Variants in LYPLAL1 observed in about 807,000 individuals in gnomAD.
LYPLAL1 encodes lysophospholipase-like protein 1.
Under a neutral mutation model 19.7 loss-of-function variants are expected in LYPLAL1, and 23 were observed. That is an observed-to-expected ratio of 1.17 (90% CI 0.84 to 1.65). The LOEUF is 1.65. Ranked by LOEUF, LYPLAL1 falls within the 40% of genes most tolerant of loss-of-function variation. LYPLAL1 has a pLI of 0.00. For synonymous variants in LYPLAL1, 119 were observed against 96.3 expected, an observed-to-expected ratio of 1.24 and a Z score of -1.38; for missense variants, 355 against 279.4, an observed-to-expected ratio of 1.27 and a Z score of -1.93.
the LYPLAL1 span, among the ~76,000 whole-genome samples, chr1:219,389,364 G>T: frequency 6.6e-6 from 1 of 152,280 alleles, no homozygotes; most frequent in Non-Finnish European, 1.5e-5. Flanking sequence ...GCCAGGAAAA[G>T]CATCTTAAAC....
In LYPLAL1 at chr1:219,210,673, GA is replaced by G. The variant is rs762754408; in HGVS notation, c.477+33del. 15 of 1,577,600 alleles carry G rather than the reference GA, an allele frequency of 9.5e-6. No individual in the cohort carries two copies. In the East Asian group the frequency reaches 1.4e-4, roughly 14 times the overall value. On this transcript the variant is annotated intron_variant, in intron 4 of 4. Transcript: ENST00000366928. The stretch of plus-strand genomic sequence containing the variant: ...GTAAGTTCCAGATTTAAAAAAAAAT[GA>G]AAAAAATATGAAATATATACATGTT...
the LYPLAL1 span, among the ~76,000 whole-genome samples, chr1:219,410,997 C>T: frequency 2.0e-5 from 3 of 152,236 alleles, no homozygotes; most frequent in Non-Finnish European, 2.9e-5. Flanking sequence ...TGCTCCATGG[C>T]GCCCAGTCCC....
the LYPLAL1 span, among the ~76,000 whole-genome samples, chr1:219,341,778 T>C: frequency 2.3e-4 from 35 of 152,228 alleles, 1 homozygote; most frequent in South Asian, 7.0e-3. Flanking sequence ...GTAGAATTTA[T>C]AGTAAAAATG....
At chr1:219,221,038 A>G in the LYPLAL1 span, among the ~76,000 whole-genome samples, 1 of 152,200 alleles carries the variant, frequency 6.6e-6, no homozygotes, top group African/African-American at 2.4e-5. Flanking sequence ...GGCTGCCCTC[A>G]TTGCAAGACA....
At chr1:219,194,959 A>G (rs1318270214) in intron 3 of LYPLAL1, among the ~76,000 whole-genome samples, 2 of 152,050 alleles carry the variant, frequency 1.3e-5, no homozygotes, top group Admixed American at 6.6e-5. Flanking sequence ...GTGTCTAACT[A>G]AAAAGTACCT....
At chr1:219,287,911 C>T in the LYPLAL1 span, among the ~76,000 whole-genome samples, 1 of 152,198 alleles carries the variant, frequency 6.6e-6, no homozygotes, top group African/African-American at 2.4e-5. Flanking sequence ...TCCTGCTCCA[C>T]CATGGTAAGA....
the LYPLAL1 span, among the ~76,000 whole-genome samples, chr1:219,270,588 A>G: frequency 6.6e-6 from 1 of 152,188 alleles, no homozygotes; most frequent in African/African-American, 2.4e-5. Context: ...TCTACCGTAC[A>G]TATGGTGACA....
At chr1:219,421,409 G>T in the LYPLAL1 span, among the ~76,000 whole-genome samples, 1 of 152,272 alleles carries the variant, frequency 6.6e-6, no homozygotes, top group East Asian at 1.9e-4. Context: ...AGCCGAAGTT[G>T]CATTCATAGC....
At chr1:219,414,959 A>T in the LYPLAL1 span, among the ~76,000 whole-genome samples, 5 of 152,240 alleles carry the variant, frequency 3.3e-5, no homozygotes, top group Non-Finnish European at 7.3e-5. Context: ...CCTTTGTTGT[A>T]TCCAGCATAT....
chr1:219,261,477 T>A, the LYPLAL1 span, among the ~76,000 whole-genome samples: 63 of 152,302 alleles, frequency 4.1e-4, no homozygotes, highest in Admixed American at 3.9e-3. Context: ...ATTACTGATA[T>A]GTAATACTAA....
At chr1:219,191,556 C>A (rs1469185079) in intron 2 of LYPLAL1, among the ~76,000 whole-genome samples, 1 of 151,288 alleles carries the variant, frequency 6.6e-6, no homozygotes, top group Non-Finnish European at 1.5e-5. Flanking sequence ...AAGAAATAGC[C>A]TGTAAATATG....
intron 3 of LYPLAL1, among the ~76,000 whole-genome samples, chr1:219,195,157 A>G (rs1232689919): frequency 6.6e-6 from 1 of 152,110 alleles, no homozygotes; most frequent in Non-Finnish European, 1.5e-5. Flanking sequence ...TGAACAAACT[A>G]TTTGGTTTCT....
the LYPLAL1 span, among the ~76,000 whole-genome samples, chr1:219,419,592 C>CAGAG: frequency 3.4e-3 from 211 of 62,750 alleles, 1 homozygote; most frequent in South Asian, 0.05. Flanking sequence ...CACACACACA[C>CAGAG]ACAGAGAGAG....
chr1:219,390,781 T>G, the LYPLAL1 span, among the ~76,000 whole-genome samples: 1 of 152,226 alleles, frequency 6.6e-6, no homozygotes, highest in Admixed American at 6.5e-5. Flanking sequence ...TTAATAAATT[T>G]GTTACCTTTT....
At chr1:219,415,890 A>G in the LYPLAL1 span, among the ~76,000 whole-genome samples, 191 of 152,212 alleles carry the variant, frequency 1.3e-3, 1 homozygote, top group African/African-American at 4.4e-3. Context: ...CTGTCACCGC[A>G]TGGTCTTCTC....
At chr1:219,178,221 A>G (rs187438745) in intron 1 of LYPLAL1, among the ~76,000 whole-genome samples, 1 of 152,354 alleles carries the variant, frequency 6.6e-6, no homozygotes, top group Admixed American at 6.5e-5. Flanking sequence ...TGTGAATAAA[A>G]TAAATATTTG....
chr1:219,372,762 A>G, the LYPLAL1 span, among the ~76,000 whole-genome samples: 1 of 152,144 alleles, frequency 6.6e-6, no homozygotes, highest in Admixed American at 6.5e-5. Flanking sequence ...AAATTGGCCA[A>G]GCATGGTGAT....
the LYPLAL1 span, among the ~76,000 whole-genome samples, chr1:219,355,202 A>C: frequency 6.6e-6 from 1 of 152,212 alleles, no homozygotes; most frequent in South Asian, 2.1e-4. Flanking sequence ...CTGCGTAACT[A>C]AGGAATTGAA....
At chr1:219,420,291 A>C in the LYPLAL1 span, among the ~76,000 whole-genome samples, 1 of 152,368 alleles carries the variant, frequency 6.6e-6, no homozygotes, top group Admixed American at 6.5e-5. Context: ...ATTTAATTTC[A>C]CCAAATAAAA....
Sources: gnomAD v4.1 joint callset for allele counts (sites outside exome capture counted in the v4.1 genomes callset) on GRCh38, gnomAD v4.1.1 for gene constraint, MANE v1.5 for transcripts, NCBI Gene and HGNC (gene_info 2026-07-23, HGNC 2026-07-21) for gene names.